The following RBFOX1 variants were observed in gnomAD, a reference collection of about 807,000 sequenced individuals.
RBFOX1 encodes the protein RNA binding protein fox-1 homolog 1.
In RBFOX1, 8 loss-of-function variants were observed where a neutral mutation model predicts 57.7. The ratio of observed to expected loss-of-function variants is 0.14; its 90% CI spans 0.08 to 0.25. RBFOX1 has a LOEUF of 0.25. Ranked by LOEUF, RBFOX1 falls within the 10% of genes least tolerant of loss-of-function variation. RBFOX1 has a pLI of 1.00. For synonymous variants in RBFOX1, 326 were observed against 222.4 expected (o/e 1.47, Z -4.15); for missense variants, 611 against 548.5 (o/e 1.11, Z -1.14).
intron 4 of RBFOX1, among the ~76,000 whole-genome samples, chr16:7,502,043 C>G (rs1270447121): frequency 2.0e-5 from 3 of 152,180 alleles, no homozygotes; most frequent in East Asian, 1.9e-4. Context: ...TTCTGGCAAT[C>G]TCTCCTAATT....
intron 4 of RBFOX1, among the ~76,000 whole-genome samples, chr16:7,053,230 G>A (rs561422615): frequency 6.6e-6 from 1 of 152,290 alleles, no homozygotes; most frequent in African/African-American, 2.4e-5. Flanking sequence ...GAGAAAGTGA[G>A]ACAAGGTTTT....
intron 4 of RBFOX1, among the ~76,000 whole-genome samples, chr16:7,481,741 T>C (rs1246333508): frequency 6.6e-6 from 1 of 152,116 alleles, no homozygotes; most frequent in Non-Finnish European, 1.5e-5. Flanking sequence ...AATAAACCCA[T>C]CATAAGTAGA....
At chr16:6,819,588 C>G (rs552323015) in intron 3 of RBFOX1, among the ~76,000 whole-genome samples, 1 of 151,472 alleles carries the variant, frequency 6.6e-6, no homozygotes, top group African/African-American at 2.4e-5. Flanking sequence ...GCCTGTAATC[C>G]CAGCTACTCG....
chr16:7,257,878 T>C (rs1424844793), intron 4 of RBFOX1, among the ~76,000 whole-genome samples: 3 of 152,204 alleles, frequency 2.0e-5, no homozygotes, highest in African/African-American at 7.2e-5. Context: ...TGTTACTCTT[T>C]GGGCAGGGAA....
chr16:6,624,336 G>C (rs991689963), intron 2 of RBFOX1, among the ~76,000 whole-genome samples: 1 of 152,076 alleles, frequency 6.6e-6, no homozygotes. Context: ...ACTGTCCCTT[G>C]CCTACTTTAA....
At chr16:6,721,831 C>G (rs2066053911) in intron 3 of RBFOX1, 1 of 153,146 alleles carries the variant, frequency 6.5e-6, no homozygotes, top group African/African-American at 2.4e-5. Context: ...GGATCACGCT[C>G]ACACGCCTAT....
intron 3 of RBFOX1, among the ~76,000 whole-genome samples, chr16:6,899,250 C>T (rs549456549): frequency 1.4e-4 from 22 of 151,742 alleles, no homozygotes; most frequent in Non-Finnish European, 2.1e-4. Context: ...TGTATGTTTG[C>T]GTGCATGTGT....
chr16:7,091,844 A>T (rs770953967), intron 4 of RBFOX1, among the ~76,000 whole-genome samples: 12 of 152,360 alleles, frequency 7.9e-5, no homozygotes, highest in African/African-American at 2.4e-4. Flanking sequence ...TGTAGATTCT[A>T]TGTGGATCAG....
intron 4 of RBFOX1, among the ~76,000 whole-genome samples, chr16:5,908,332 A>ATGTGTG (rs879393323): frequency 3.6e-4 from 49 of 137,494 alleles, no homozygotes; most frequent in African/African-American, 9.0e-4. Flanking sequence ...ACATATATAT[A>ATGTGTG]TGTGTGTGTG....
Position 7,577,037 on chromosome 16 carries a change from A to G in RBFOX1, c.271-2740A>G, listed in dbSNP as rs1228511695. ...TCGTATTCTCAGCGGAGAAAACGCA[A>G]ATTCTGCTCTGTTTGGGTTTCAGTG... On this transcript the variant is annotated intron_variant, in intron 5 of 15. Coordinates refer to ENST00000550418, the MANE Select transcript of RBFOX1 (RefSeq NM_018723.4). Among the ~76,000 whole-genome samples the G allele has an allele frequency of 2.0e-5, 3 of 152,172 alleles. No homozygotes were observed. The East Asian group carries it at 5.8e-4, about 29-fold the overall frequency.
chr16:5,397,875 G>T (rs550249753), intron 1 of RBFOX1, among the ~76,000 whole-genome samples: 1 of 152,194 alleles, frequency 6.6e-6, no homozygotes, highest in African/African-American at 2.4e-5. Context: ...ACATTGAATT[G>T]TCCTATGTTC....
chr16:7,671,409 TC>T, intron 13 of RBFOX1: 1 of 668,852 alleles, frequency 1.5e-6, no homozygotes, highest in African/African-American at 1.8e-5. Context: ...AGTGCCCCTT[TC>T]AGCTTGGTGG....
intron 4 of RBFOX1, among the ~76,000 whole-genome samples, chr16:7,233,522 G>A (rs2093617820): frequency 1.3e-5 from 2 of 152,128 alleles, no homozygotes; most frequent in Non-Finnish European, 2.9e-5. Context: ...ATCAATGTGT[G>A]GAAATTATTA....
intron 2 of RBFOX1, among the ~76,000 whole-genome samples, chr16:6,543,016 C>A (rs6500793): frequency 4.6e-5 from 7 of 151,982 alleles, no homozygotes; most frequent in Non-Finnish European, 2.9e-5. Flanking sequence ...CTCACTCTCC[C>A]TCCCCAGGGC....
chr16:6,213,648 A>C (rs1034120219), intron 1 of RBFOX1, among the ~76,000 whole-genome samples: 1 of 152,174 alleles, frequency 6.6e-6, no homozygotes, highest in African/African-American at 2.4e-5. Context: ...CTGTGCTCTT[A>C]TTTCAATGTA....
intron 2 of RBFOX1, among the ~76,000 whole-genome samples, chr16:6,585,164 A>G (rs1386577689): frequency 1.3e-5 from 2 of 152,210 alleles, no homozygotes; most frequent in Admixed American, 1.3e-4. Context: ...ATTCCAAGGC[A>G]GTGCCAGGAA....
chr16:6,515,540 G>T (rs939640618), intron 2 of RBFOX1, among the ~76,000 whole-genome samples: 4 of 152,168 alleles, frequency 2.6e-5, no homozygotes, highest in African/African-American at 9.7e-5. Context: ...TCCCTTGAGA[G>T]CAGACATTTA....
chr16:7,337,166 A>T (rs2096804203), intron 4 of RBFOX1, among the ~76,000 whole-genome samples: 1 of 152,168 alleles, frequency 6.6e-6, no homozygotes, highest in Non-Finnish European at 1.5e-5. Flanking sequence ...CCAAGGTCAC[A>T]AAGAATGCGA....
chr16:6,663,833 G>C lies in RBFOX1; in HGVS notation c.-16+9183G>C, dbSNP rs529774936. On this transcript the variant is annotated intron_variant, in intron 3 of 15. Transcript: ENST00000550418. The stretch of plus-strand genomic sequence containing the variant: ...TGGGGTGGAGAGCATCCTGGGCCAG[G>C]TGCAGAGGAGGGAGTCTGGAGGTTG... Among the ~76,000 whole-genome samples the C allele has an allele frequency of 4.6e-5, 7 of 152,340 alleles. No homozygotes were observed. In the South Asian group the frequency reaches 1.4e-3, roughly 32 times the overall value.
Sources: gnomAD v4.1 joint callset for allele counts (sites outside exome capture counted in the v4.1 genomes callset) on GRCh38, gnomAD v4.1.1 for gene constraint, MANE v1.5 for transcripts, NCBI Gene and HGNC (gene_info 2026-07-23, HGNC 2026-07-21) for gene names.